SLC39A11: variants seen among roughly 807,000 people sequenced by gnomAD.
SLC39A11 encodes solute carrier family 39 member 11, also known as zinc transporter ZIP11.
SLC39A11 carries 33 observed loss-of-function variants against 36.1 expected under a neutral mutation model. The observed-to-expected ratio is 0.91, with a 90% CI of 0.69 to 1.22. The LOEUF is 1.22. Ranked by LOEUF, SLC39A11 falls within the 50% of genes most tolerant of loss-of-function variation. The pLI, the probability that SLC39A11 is intolerant of heterozygous loss-of-function variation, is 0.00. For missense variants in SLC39A11, 432 were observed against 430.3 expected (o/e 1.00, Z -0.03); for synonymous variants, 166 against 170.3 (o/e 0.97, Z 0.20).
At chr17:73,000,574 C>T (rs2148387858) in intron 4 of SLC39A11, among the ~76,000 whole-genome samples, 1 of 152,268 alleles carries the variant, frequency 6.6e-6, no homozygotes, top group Non-Finnish European at 1.5e-5. Context: ...GTTCTCCTTC[C>T]CTCCTCTCCC....
chr17:72,720,236 T>C (rs943562723), intron 7 of SLC39A11, among the ~76,000 whole-genome samples: 1 of 152,032 alleles, frequency 6.6e-6, no homozygotes, highest in Non-Finnish European at 1.5e-5. Flanking sequence ...GCATGCACAG[T>C]CCATGCTGTG....
chr17:73,081,552 G>C (rs1172248865), intron 3 of SLC39A11, among the ~76,000 whole-genome samples: 1 of 150,504 alleles, frequency 6.6e-6, no homozygotes, highest in Non-Finnish European at 1.5e-5. Context: ...ATTCACAATT[G>C]CAAAAATATG....
intron 4 of SLC39A11, among the ~76,000 whole-genome samples, chr17:72,971,328 A>C (rs1017298612): frequency 6.7e-6 from 1 of 148,942 alleles, no homozygotes; most frequent in Non-Finnish European, 1.5e-5. Flanking sequence ...ACACACACAC[A>C]CACACACACT....
chr17:73,057,118 T>C (rs954979449), intron 3 of SLC39A11, among the ~76,000 whole-genome samples: 4 of 152,074 alleles, frequency 2.6e-5, no homozygotes, highest in African/African-American at 9.7e-5. Flanking sequence ...GCCCAGTTAA[T>C]TTTTTGTGGG....
intron 7 of SLC39A11, among the ~76,000 whole-genome samples, chr17:72,661,785 G>A (rs927120026): frequency 1.3e-5 from 2 of 152,156 alleles, no homozygotes; most frequent in African/African-American, 2.4e-5. Flanking sequence ...GCAGGCTGGC[G>A]AGATGAGATG....
At chr17:73,000,101 A>G (rs2089735213) in intron 4 of SLC39A11, among the ~76,000 whole-genome samples, 1 of 152,124 alleles carries the variant, frequency 6.6e-6, no homozygotes, top group Non-Finnish European at 1.5e-5. Flanking sequence ...TTTATGAGAC[A>G]AGGACAAAGA....
chr17:72,953,270 T>C (rs8079736), intron 4 of SLC39A11, among the ~76,000 whole-genome samples: 50,919 of 151,626 alleles, frequency 0.34, 8,739 homozygotes, highest in East Asian at 0.44. Context: ...TCCACCCACT[T>C]TGGAAAGGCC....
chr17:72,901,456 C>T (rs548596100), intron 5 of SLC39A11, among the ~76,000 whole-genome samples: 7 of 152,140 alleles, frequency 4.6e-5, no homozygotes, highest in African/African-American at 7.2e-5. Context: ...GTCCTGTCTC[C>T]GTACATAAGA....
At chr17:73,034,079 T>C (rs1242679440) in intron 3 of SLC39A11, among the ~76,000 whole-genome samples, 1 of 151,986 alleles carries the variant, frequency 6.6e-6, no homozygotes, top group Non-Finnish European at 1.5e-5. Context: ...ATGTGAGGGC[T>C]CCCCCTCCCT....
chr17:72,865,411 GAA>G (rs34706790), intron 5 of SLC39A11, among the ~76,000 whole-genome samples: 4 of 113,238 alleles, frequency 3.5e-5, no homozygotes, highest in Non-Finnish European at 5.5e-5. Context: ...AAAACTGCTC[GAA>G]AAAAAAAAAA....
At chr17:72,729,450 TATA>T (rs2074119052) in intron 7 of SLC39A11, among the ~76,000 whole-genome samples, 4 of 11,706 alleles carry the variant, frequency 3.4e-4, no homozygotes, top group Admixed American at 2.7e-3. Context: ...TATATATATA[TATA>T]TATATTTTTT....
chr17:72,742,222 C>T lies in SLC39A11; in HGVS notation c.602-5503G>A, dbSNP rs117073464. Reference sequence around the variant, plus strand: ...CATCTCAAAAAAAAAGAGTATCCTACGTGAGGTGGCTGACACTGGTGAGAG... The same window carrying T: ...CATCTCAAAAAAAAAGAGTATCCTATGTGAGGTGGCTGACACTGGTGAGAG... On this transcript the variant is annotated intron_variant, in intron 6 of 9. Coordinates refer to ENST00000255559, the MANE Select transcript of SLC39A11 (RefSeq NM_139177.4). 1.7e-3 allele frequency among the ~76,000 whole-genome samples: 256 copies of T among 151,670 alleles called. 7 individuals are homozygous for T. The East Asian group carries it at 0.044, about 26-fold the overall frequency.
chr17:72,900,153 AAAAGAAAGAAAGAAAGAAAG>A (rs201428795), intron 5 of SLC39A11, among the ~76,000 whole-genome samples: 752 of 61,302 alleles, frequency 0.012, 39 homozygotes, highest in East Asian at 0.016. Flanking sequence ...AGAAAGAAAG[AAAAGAAAGAAAGAAAGAAAG>A]AAAGAAAGAA....
intron 7 of SLC39A11, among the ~76,000 whole-genome samples, chr17:72,701,176 T>C (rs1401838105): frequency 6.6e-6 from 1 of 152,234 alleles, no homozygotes; most frequent in Non-Finnish European, 1.5e-5. Flanking sequence ...ATGTTTGGCA[T>C]GGTTTTGGCA....
intron 7 of SLC39A11, among the ~76,000 whole-genome samples, chr17:72,681,443 G>A (rs114129257): frequency 1.4e-4 from 22 of 152,316 alleles, no homozygotes; most frequent in African/African-American, 5.3e-4. Flanking sequence ...GTGGCCAGAG[G>A]TGACAATAGT....
At chr17:72,799,994 AC>A (rs1226187461) in intron 6 of SLC39A11, among the ~76,000 whole-genome samples, 9 of 151,458 alleles carry the variant, frequency 5.9e-5, no homozygotes, top group Admixed American at 5.3e-4. Context: ...ATGTGATGTC[AC>A]CCCCAGCAGC....
At chr17:72,861,582 G>C (rs1433202355) in intron 5 of SLC39A11, among the ~76,000 whole-genome samples, 1 of 146,406 alleles carries the variant, frequency 6.8e-6, no homozygotes, top group Admixed American at 6.9e-5. Context: ...TAGACAGATT[G>C]ACAGACAGAC....
intron 5 of SLC39A11, among the ~76,000 whole-genome samples, chr17:72,937,447 A>G (rs944240978): frequency 2.7e-5 from 4 of 148,168 alleles, no homozygotes; most frequent in Admixed American, 6.9e-5. Context: ...AGAGAGAGAG[A>G]GTCCGTCTAA....
intron 5 of SLC39A11, among the ~76,000 whole-genome samples, chr17:72,923,661 G>T (rs906975696): frequency 6.6e-6 from 1 of 152,124 alleles, no homozygotes; most frequent in Non-Finnish European, 1.5e-5. Flanking sequence ...TGACAAGGTC[G>T]CAAAACAGAA....
Sources: gnomAD v4.1 joint callset for allele counts (sites outside exome capture counted in the v4.1 genomes callset) on GRCh38, gnomAD v4.1.1 for gene constraint, MANE v1.5 for transcripts, NCBI Gene and HGNC (gene_info 2026-07-23, HGNC 2026-07-21) for gene names.